ZMYM1: variants seen among roughly 807,000 people sequenced by gnomAD.
ZMYM1 encodes the protein zinc finger MYM-type containing 1, also known as zinc finger MYM-type protein 1.
Under a neutral mutation model 60.0 loss-of-function variants are expected in ZMYM1, and 39 were observed. That is an observed-to-expected ratio of 0.65 (90% confidence interval 0.50 to 0.85). ZMYM1 has a LOEUF of 0.85. Ranked by LOEUF, ZMYM1 falls within the 40% of genes least tolerant of loss-of-function variation. ZMYM1 has a pLI of 0.00. For synonymous variants in ZMYM1, 413 were observed against 454.0 expected (o/e 0.91, Z 1.15); for missense variants, 1,171 against 1,309.5 (o/e 0.89, Z 1.63).
chr1:35,108,435 T>G (rs1264257308), intron 6 of ZMYM1, among the ~76,000 whole-genome samples: 1 of 152,090 alleles, frequency 6.6e-6, no homozygotes, highest in Non-Finnish European at 1.5e-5. Flanking sequence ...CACTGCAACC[T>G]CCGCCTCCCA....
At position 35,097,461 on chromosome 1, in the gene ZMYM1, G is replaced by C; in HGVS notation, c.314G>C (p.Arg105Thr). Residue 105 changes from arginine (R) to threonine (T), a missense_variant, in exon 4 of 10, where the codon AGG becomes ACG. Coordinates refer to ENST00000359858, the MANE Select transcript of ZMYM1 (RefSeq NM_024772.5). The part of the protein sequence containing the change: ...ILQKGQTAYQ[R>T]KGSAQLFCSI... ...CAGAAGGGGCAAACTGCTTATCAGA[G>C]GAAAGGATCTGCTCAACTTTTCTGC... is the stretch of plus-strand genomic sequence containing the variant. 4 of 1,614,122 alleles carry C rather than the reference G, an allele frequency of 2.5e-6. No individual in the cohort carries two copies. The highest frequency in any genetic ancestry group is 3.4e-6 in the Non-Finnish European group (4 of 1,180,016).
chr1:35,100,173 G>A (rs1489177059), intron 4 of ZMYM1, among the ~76,000 whole-genome samples: 1 of 152,084 alleles, frequency 6.6e-6, no homozygotes, highest in Non-Finnish European at 1.5e-5. Context: ...TTATAGGTAT[G>A]AGCCACCACG....
At chr1:35,104,900 C>A in intron 6 of ZMYM1, 131 bp downstream of exon 6, 1 of 654,230 alleles carries the variant, frequency 1.5e-6, no homozygotes, top group Non-Finnish European at 2.5e-6. Flanking sequence ...AAATAGAAGG[C>A]TTTTAACGGT....
chr1:35,116,968 C>G (rs940597473), downstream of ZMYM1, among the ~76,000 whole-genome samples: 8 of 149,562 alleles, frequency 5.3e-5, no homozygotes, highest in African/African-American at 2.0e-4. Flanking sequence ...CTCAGCCTCC[C>G]GAGTAGCTGG....
At chr1:35,099,679 G>A (rs924750630) in intron 4 of ZMYM1, among the ~76,000 whole-genome samples, 4 of 152,072 alleles carry the variant, frequency 2.6e-5, no homozygotes, top group Admixed American at 2.6e-4. Context: ...TTCTTCTGGG[G>A]TTTTTTTATC....
At chr1:35,065,451 G>A (rs185433203) in intron 1 of ZMYM1, among the ~76,000 whole-genome samples, 2 of 151,582 alleles carry the variant, frequency 1.3e-5, no homozygotes, top group East Asian at 1.9e-4. Context: ...GTTAATTGAC[G>A]TTTATGTTAT....
rs990635419 is a variant in ZMYM1, at chr1:35,113,868, T to C, written c.2038T>C (p.Leu680=). The C allele has an allele frequency of 8.7e-6, 14 of 1,613,798 alleles. No individual in the cohort carries two copies. Among genetic ancestry groups the C allele is most frequent in the Non-Finnish European group, 1.0e-5 (12 of 1,179,860 alleles). The change falls in exon 10 of 10, where the codon TTG becomes CTG. Residue 680 remains leucine, a synonymous_variant. Coordinates refer to ENST00000359858, the MANE Select transcript of ZMYM1 (RefSeq NM_024772.5). ...SKAILIKERF[L]GFVDTEEMTG... is the part of the protein sequence containing the mutation. ...GGCTATCTTAATTAAGGAAAGATTC[T>C]TGGGTTTTGTTGATACTGAGGAGAT...
intron 1 of ZMYM1, among the ~76,000 whole-genome samples, chr1:35,060,971 A>G (rs59977050): frequency 0.023 from 3,510 of 152,318 alleles, 162 homozygotes; most frequent in African/African-American, 0.08. Flanking sequence ...GGAACAGGGT[A>G]GGAAAGGCCA....
downstream of ZMYM1, among the ~76,000 whole-genome samples, chr1:35,116,215 C>T (rs1301680360): frequency 1.3e-5 from 2 of 152,058 alleles, no homozygotes; most frequent in Non-Finnish European, 2.9e-5. Flanking sequence ...AGAGTCTAGG[C>T]AACAGAGTGA....
chr1:35,066,170 T>C (rs1641968805), intron 1 of ZMYM1, among the ~76,000 whole-genome samples: 1 of 152,262 alleles, frequency 6.6e-6, no homozygotes, highest in Admixed American at 6.5e-5. Context: ...ATTGTATTTT[T>C]ATATACTGGC....
chr1:35,109,509 C>A (rs976528614), intron 6 of ZMYM1, among the ~76,000 whole-genome samples: 7 of 152,110 alleles, frequency 4.6e-5, no homozygotes, highest in African/African-American at 1.4e-4. Context: ...TGCTTTCTTA[C>A]AATATGCTTG....
chr1:35,098,218 A>G (rs1476683737), intron 4 of ZMYM1, among the ~76,000 whole-genome samples: 1 of 152,182 alleles, frequency 6.6e-6, no homozygotes, highest in Non-Finnish European at 1.5e-5. Context: ...AAGATGTGGA[A>G]TAATATTATA....
intron 2 of ZMYM1, 72 bp from the exon 3 acceptor site, chr1:35,095,747 C>A: frequency 7.9e-7 from 1 of 1,266,770 alleles, no homozygotes; most frequent in South Asian, 1.4e-5. Context: ...TTATCATTTT[C>A]TGTTGAATGA....
chr1:35,112,421 G>A (rs1050439891), intron 9 of ZMYM1, among the ~76,000 whole-genome samples: 3 of 149,510 alleles, frequency 2.0e-5, no homozygotes, highest in Non-Finnish European at 3.0e-5. Flanking sequence ...CAGGTGATCC[G>A]CCCACCTTGG....
At chr1:35,078,771 A>G (rs1342025847), upstream of ZMYM1, among the ~76,000 whole-genome samples, 1 of 151,872 alleles carries the variant, frequency 6.6e-6, no homozygotes, top group Non-Finnish European at 1.5e-5. Flanking sequence ...ATGGTCTTGA[A>G]TTCCTGAACT....
chr1:35,111,677 G>A, intron 7 of ZMYM1, 95 bp from the exon 8 acceptor site: 1 of 1,208,586 alleles, frequency 8.3e-7, no homozygotes, highest in Non-Finnish European at 1.1e-6. Context: ...TAAGCTATTA[G>A]ATGCTTGCAT....
At chr1:35,110,211 C>A (rs1372833410) in intron 6 of ZMYM1, 83 bp from the exon 7 acceptor site, 11 of 1,050,744 alleles carry the variant, frequency 1.0e-5, no homozygotes, top group Non-Finnish European at 1.4e-5. Context: ...AATATTCCAA[C>A]TAAAAGCAGT....
At chr1:35,088,452 A>ATGTGTGTGTGTGTG (rs1436872757) in intron 1 of ZMYM1, among the ~76,000 whole-genome samples, 5 of 101,650 alleles carry the variant, frequency 4.9e-5, no homozygotes, top group African/African-American at 2.4e-4. Context: ...ATATATATAT[A>ATGTGTGTGTGTGTG]TATGTGTGTG....
chr1:35,071,526 G>A (rs1425375825), intron 1 of ZMYM1, among the ~76,000 whole-genome samples: 2 of 151,784 alleles, frequency 1.3e-5, no homozygotes, highest in Non-Finnish European at 2.9e-5. Context: ...TAGAGACAAA[G>A]TCTCAGTATG....
Sources: allele counts gnomAD v4.1 joint callset (sites outside exome capture counted in the v4.1 genomes callset), GRCh38; gene constraint gnomAD v4.1.1; transcripts MANE v1.5; gene names NCBI Gene and HGNC (gene_info 2026-07-23, HGNC 2026-07-21).